Variants in DHX35 observed in about 807,000 individuals in gnomAD.
DHX35 encodes probable ATP-dependent RNA helicase DHX35.
DHX35 carries 84 observed loss-of-function variants against 99.6 expected under a neutral mutation model. The ratio of observed to expected loss-of-function variants is 0.84; its 90% CI spans 0.71 to 1.01. The LOEUF (loss-of-function observed/expected upper bound fraction) is 1.01, where lower values mean the gene tolerates loss of function less well. Among genes scored for constraint, DHX35 ranks in the 50% least tolerant of loss-of-function variants. The pLI, the probability that DHX35 is intolerant of heterozygous loss-of-function variation, is 0.00. For synonymous variants in DHX35, 331 were observed against 316.2 expected (o/e 1.05, Z -0.50); for missense variants, 852 against 888.5 (o/e 0.96, Z 0.52).
intron 21 of DHX35, among the ~76,000 whole-genome samples, chr20:39,037,204 T>C (rs1335623837): frequency 6.6e-6 from 1 of 152,192 alleles, no homozygotes; most frequent in East Asian, 1.9e-4. Flanking sequence ...CTGTAGGGGT[T>C]ATATCAGGTG....
intron 18 of DHX35, among the ~76,000 whole-genome samples, chr20:39,026,054 G>A (rs1248278612): frequency 6.6e-6 from 1 of 152,112 alleles, no homozygotes; most frequent in Non-Finnish European, 1.5e-5. Flanking sequence ...AGAAGTCTAC[G>A]CTTTTAAGGA....
intron 3 of DHX35, among the ~76,000 whole-genome samples, chr20:38,973,280 G>T (rs2086029396): frequency 1.3e-5 from 2 of 152,148 alleles, no homozygotes; most frequent in Non-Finnish European, 2.9e-5. Flanking sequence ...GAGAGACCTT[G>T]CAGGTTCTTA....
chr20:38,990,609 T>A (rs2086323410), intron 5 of DHX35, among the ~76,000 whole-genome samples: 1 of 152,148 alleles, frequency 6.6e-6, no homozygotes, highest in Non-Finnish European at 1.5e-5. Context: ...TTTAAAAAAA[T>A]ACAGTATAAC....
At chr20:38,993,185 G>C (rs1405505921) in intron 7 of DHX35, among the ~76,000 whole-genome samples, 1 of 152,216 alleles carries the variant, frequency 6.6e-6, no homozygotes, top group African/African-American at 2.4e-5. Context: ...TGGCTTTGCT[G>C]AGTTTACTCA....
chr20:39,015,060 T>A, intron 14 of DHX35, 126 bp downstream of exon 14: 1 of 1,062,632 alleles, frequency 9.4e-7, no homozygotes, highest in Non-Finnish European at 1.4e-6. Flanking sequence ...ATATATATAA[T>A]CCCCCTAATG....
At position 39,038,858 on chromosome 20, in the gene DHX35, A is replaced by G; in HGVS notation, c.*315A>G. On this transcript the variant is annotated 3_prime_UTR_variant, in exon 22 of 22. Transcript: ENST00000252011. ...AGGCATGCAGTCCTGGCCCAGCTCTATGGGAAACAAGGAGGAAAGTTAGCC... is the reference window on the plus strand; with the variant it reads ...AGGCATGCAGTCCTGGCCCAGCTCTGTGGGAAACAAGGAGGAAAGTTAGCC... 2.5e-6 allele frequency: 1 copy of G among 400,680 alleles called. No individual in the cohort carries two copies. The highest frequency in any genetic ancestry group is 4.6e-6 in the Non-Finnish European group (1 of 219,666). 24.8% of individuals were successfully genotyped at this position (400,680 alleles called of 1,614,324 possible).
intron 13 of DHX35, among the ~76,000 whole-genome samples, chr20:39,012,327 A>C (rs376546776): frequency 3.9e-5 from 6 of 152,228 alleles, no homozygotes; most frequent in African/African-American, 1.2e-4. Flanking sequence ...AAAGAAAAAC[A>C]TACAGTGACA....
intron 3 of DHX35, 58 bp downstream of exon 3, chr20:38,972,709 A>G: frequency 8.7e-7 from 1 of 1,146,070 alleles, no homozygotes; most frequent in Non-Finnish European, 1.3e-6. Context: ...GAATTTTGTA[A>G]CTTGAGAGCT....
intron 3 of DHX35, among the ~76,000 whole-genome samples, chr20:38,977,313 T>G (rs139126632): frequency 1.3e-5 from 2 of 152,204 alleles, no homozygotes; most frequent in Non-Finnish European, 2.9e-5. Flanking sequence ...GGTATCTCAT[T>G]GTGGTTTTGA....
At position 38,983,623 on chromosome 20, in the gene DHX35, A is replaced by G. The variant is rs965670839; in HGVS notation, c.268-76A>G. ...TTCCTTTCTTAGTGATTTTAACACA[A>G]TACGGGAGCATCTTGGGGGAGATTG... On this transcript the variant is annotated intron_variant, in intron 3 of 21. Transcript: ENST00000252011. 5 of 1,217,576 alleles carry G rather than the reference A, an allele frequency of 4.1e-6. No homozygotes were observed. In the African/African-American group the frequency reaches 7.4e-5, roughly 18 times the overall value. The allele number at this position is 1,217,576 out of a possible 1,614,324, so 75.4% of individuals were successfully genotyped here. A position where few individuals can be genotyped will look rare whatever the true frequency, so the allele number is the denominator to read the frequency against.
chr20:38,968,796 C>A (rs2085948005), intron 1 of DHX35, among the ~76,000 whole-genome samples: 1 of 152,208 alleles, frequency 6.6e-6, no homozygotes. Flanking sequence ...AGGCAATCCG[C>A]CCGCCTCGGC....
At chr20:38,982,440 GT>G (rs748737075) in intron 3 of DHX35, among the ~76,000 whole-genome samples, 6 of 152,140 alleles carry the variant, frequency 3.9e-5, no homozygotes, top group South Asian at 2.1e-4. Flanking sequence ...TTCATTTGTA[GT>G]ATAGAAAGGG....
Position 39,022,070 on chromosome 20 carries a change from C to T in DHX35, c.1593+135C>T, listed in dbSNP as rs113337185. Reference sequence around the variant, plus strand: ...CTGCTCATGTTTTGAGTGTTTATTCCGTGCTTGATGTTGTGTCAGGTGTTT... The same window carrying T: ...CTGCTCATGTTTTGAGTGTTTATTCTGTGCTTGATGTTGTGTCAGGTGTTT... On this transcript the variant is annotated intron_variant, in intron 16 of 21. Coordinates refer to ENST00000252011, the MANE Select transcript of DHX35 (RefSeq NM_021931.4). 118 of 764,260 alleles carry T rather than the reference C, an allele frequency of 1.5e-4. No individual in the cohort carries two copies. The African/African-American group carries it at 1.6e-3, about 10-fold the overall frequency. The allele number at this position is 764,260 out of a possible 1,614,324, so 47.3% of individuals were successfully genotyped here.
At chr20:39,022,842 C>T (rs550706891) in intron 16 of DHX35, among the ~76,000 whole-genome samples, 19 of 152,308 alleles carry the variant, frequency 1.2e-4, no homozygotes, top group African/African-American at 4.3e-4. Flanking sequence ...GATAGATACT[C>T]AGAAGTAAGG....
intron 8 of DHX35, 64 bp downstream of exon 8, chr20:38,994,944 G>T (rs1018583085): frequency 2.1e-6 from 3 of 1,427,530 alleles, no homozygotes; most frequent in Non-Finnish European, 2.9e-6. Context: ...ATATCCTTGG[G>T]AAGTTACCTC....
chr20:38,962,460 G>A (rs896883893), intron 1 of DHX35, 53 bp downstream of exon 1: 159 of 1,592,404 alleles, frequency 1.0e-4, no homozygotes, highest in Middle Eastern at 3.3e-4. Context: ...CTTCGGTCTT[G>A]GCGCCGCGGC....
intron 1 of DHX35, among the ~76,000 whole-genome samples, chr20:38,966,584 G>A (rs1464434461): frequency 6.6e-6 from 1 of 152,172 alleles, no homozygotes; most frequent in East Asian, 1.9e-4. Flanking sequence ...CAGGAGAGTC[G>A]CTTGAACCTG....
intron 3 of DHX35, among the ~76,000 whole-genome samples, chr20:38,982,199 T>G (rs1388864320): frequency 6.6e-6 from 1 of 152,162 alleles, no homozygotes; most frequent in Non-Finnish European, 1.5e-5. Context: ...ATAACTTCTC[T>G]GCAACAATGA....
At chr20:39,035,461 CAGAAG>C (rs2145953737) in intron 21 of DHX35, among the ~76,000 whole-genome samples, 1 of 152,362 alleles carries the variant, frequency 6.6e-6, no homozygotes, top group Non-Finnish European at 1.5e-5. Context: ...TTGTTTACAG[CAGAAG>C]AGAAAGTCTG....
Sources: allele counts gnomAD v4.1 joint callset (sites outside exome capture counted in the v4.1 genomes callset), GRCh38; gene constraint gnomAD v4.1.1; transcripts MANE v1.5; gene names NCBI Gene and HGNC (gene_info 2026-07-23, HGNC 2026-07-21).